The following ADIPOR2 variants were observed in gnomAD, a reference collection of about 807,000 sequenced individuals.
ADIPOR2 encodes the protein adiponectin receptor 2, also known as adiponectin receptor protein 2.
ADIPOR2 carries 18 observed loss-of-function variants against 40.9 expected under a neutral mutation model. That is an observed-to-expected ratio of 0.44 (90% CI 0.30 to 0.65). ADIPOR2 has a LOEUF of 0.65. Among genes scored for constraint, ADIPOR2 ranks in the 30% least tolerant of loss-of-function variants. The pLI, the probability that ADIPOR2 is intolerant of heterozygous loss-of-function variation, is 0.09. For missense variants in ADIPOR2, 283 were observed against 479.2 expected, an observed-to-expected ratio of 0.59 and a Z score of 3.82; for synonymous variants, 165 against 166.4, an observed-to-expected ratio of 0.99 and a Z score of 0.06.
At chr12:1,719,802 G>C (rs2094694358) in intron 1 of ADIPOR2, among the ~76,000 whole-genome samples, 1 of 152,070 alleles carries the variant, frequency 6.6e-6, no homozygotes, top group Admixed American at 6.5e-5. Context: ...AGCCTGTGGA[G>C]TAGCTGGGAT....
rs542095709 is a variant in ADIPOR2, at chr12:1,711,160, G to A, written c.-87+19969G>A. ...GCAGTGAGGAAGTCTAGGCCTTGGC[G>A]GTTTTGGAGAGTCACTGCTGCCAAA... On this transcript the variant is annotated intron_variant, in intron 1 of 7. Transcript: ENST00000357103. Among the ~76,000 whole-genome samples the A allele has an allele frequency of 2.6e-4, 39 of 152,260 alleles. No homozygotes were observed. In the South Asian group the frequency reaches 2.7e-3, roughly 11 times the overall value.
chr12:1,693,795 A>C (rs994759298), intron 1 of ADIPOR2, among the ~76,000 whole-genome samples: 2 of 152,002 alleles, frequency 1.3e-5, no homozygotes, highest in African/African-American at 4.8e-5. Context: ...CACCCCTCAA[A>C]GTGCTGGGAT....
intron 1 of ADIPOR2, 80 bp downstream of exon 1, chr12:1,691,271 C>CGGGGGGAGGTGAGAGCTGAG (rs2094626223): frequency 6.6e-6 from 1 of 152,616 alleles, no homozygotes; most frequent in Non-Finnish European, 1.5e-5. Context: ...AGCTTGGGGT[C>CGGGGGGAGGTGAGAGCTGAG]GGGGGGAGGT....
chr12:1,697,186 T>A (rs1474657788), intron 1 of ADIPOR2: 2 of 152,208 alleles, frequency 1.3e-5, no homozygotes, highest in Non-Finnish European at 2.9e-5. Context: ...TCAGGAGTGT[T>A]TTGGTAAAAC....
chr12:1,712,937 T>G (rs1055224477), intron 1 of ADIPOR2, among the ~76,000 whole-genome samples: 1 of 152,110 alleles, frequency 6.6e-6, no homozygotes, highest in African/African-American at 2.4e-5. Flanking sequence ...TACCCTTGAT[T>G]AGCTAGAAAG....
intron 7 of ADIPOR2, 103 bp downstream of exon 7, chr12:1,784,176 A>T: frequency 7.7e-7 from 1 of 1,294,494 alleles, no homozygotes; most frequent in South Asian, 1.7e-5. Context: ...AAGTCAGGAG[A>T]GTTGTATCCT....
At chr12:1,744,123 T>C (rs921125387) in intron 1 of ADIPOR2, among the ~76,000 whole-genome samples, 6 of 152,140 alleles carry the variant, frequency 3.9e-5, no homozygotes, top group African/African-American at 1.4e-4. Context: ...ATTTTTTTTT[T>C]TGAGACGGAG....
chr12:1,769,920 AT>A (rs113858183), intron 2 of ADIPOR2, among the ~76,000 whole-genome samples: 10,043 of 140,098 alleles, frequency 0.072, 819 homozygotes, highest in African/African-American at 0.2. Flanking sequence ...TACTAAAGTA[AT>A]TTTTTTTTTT....
At chr12:1,723,659 A>T (rs2094702267) in intron 1 of ADIPOR2, among the ~76,000 whole-genome samples, 1 of 151,808 alleles carries the variant, frequency 6.6e-6, no homozygotes, top group African/African-American at 2.4e-5. Flanking sequence ...ACAAAACAAA[A>T]CAAAACAACA....
chr12:1,751,370 T>A (rs950975236), intron 1 of ADIPOR2, among the ~76,000 whole-genome samples: 1 of 152,324 alleles, frequency 6.6e-6, no homozygotes, highest in South Asian at 2.1e-4. Flanking sequence ...TCTCAGGACT[T>A]TACTGGAGAG....
chr12:1,721,285 G>A (rs1052219350), intron 1 of ADIPOR2, among the ~76,000 whole-genome samples: 2 of 127,174 alleles, frequency 1.6e-5, no homozygotes, highest in Admixed American at 2.1e-4. Flanking sequence ...GCACGATCTC[G>A]GCTCACTGCA....
At chr12:1,716,138 A>G (rs1048086095) in intron 1 of ADIPOR2, among the ~76,000 whole-genome samples, 19 of 152,222 alleles carry the variant, frequency 1.2e-4, no homozygotes, top group African/African-American at 4.1e-4. Context: ...GGAAGGAACC[A>G]ACTCCGCACA....
At position 1,788,269 on chromosome 12, in the gene ADIPOR2, T is replaced by C. The variant is rs143312255; in HGVS notation, c.*2197T>C. On this transcript the variant is annotated 3_prime_UTR_variant, in exon 8 of 8. Transcript: ENST00000357103. ...AAAATCTCCCTTTTTCGGGTGTGTATGTGGGCATGTGCCCATTTCTATGTG... is the reference window on the plus strand; with the variant it reads ...AAAATCTCCCTTTTTCGGGTGTGTACGTGGGCATGTGCCCATTTCTATGTG... 1.8e-3 allele frequency: 282 copies of C among 152,806 alleles called. 2 individuals carry two copies. The highest frequency in any genetic ancestry group is 2.2e-3 in the Admixed American group (34 of 15,302). 9.5% of individuals were successfully genotyped at this position (152,806 alleles called of 1,614,324 possible). A position where few individuals can be genotyped will look rare whatever the true frequency, so the allele number is the denominator to read the frequency against.
intron 1 of ADIPOR2, among the ~76,000 whole-genome samples, chr12:1,721,870 A>T (rs2094698539): frequency 6.6e-6 from 1 of 152,200 alleles, no homozygotes; most frequent in African/African-American, 2.4e-5. Flanking sequence ...TTTAAGGAGC[A>T]GACAGGTCAG....
chr12:1,762,441 G>T (rs1193783157), intron 2 of ADIPOR2, among the ~76,000 whole-genome samples: 1 of 151,972 alleles, frequency 6.6e-6, no homozygotes, highest in Non-Finnish European at 1.5e-5. Flanking sequence ...AGTCTAACCT[G>T]GTCTTTGAGT....
intron 2 of ADIPOR2, chr12:1,758,020 T>C: frequency 3.7e-6 from 3 of 800,502 alleles, no homozygotes; most frequent in Non-Finnish European, 6.6e-6. Context: ...ATGGCTGCGT[T>C]AGGCAGGGAA....
In ADIPOR2 at chr12:1,691,121, CCCTCCCTCCTCCGTTCCCCCCT is replaced by C. The variant is rs2094625837; in HGVS notation, c.-150_-129del. 1 of 159,922 alleles carries C rather than the reference CCCTCCCTCCTCCGTTCCCCCCT, an allele frequency of 6.3e-6. No individual in the cohort carries two copies. Among genetic ancestry groups the C allele is most frequent in the Non-Finnish European group, 1.4e-5 (1 of 72,944 alleles). The allele number at this position is 159,922 out of a possible 1,614,324, so 9.9% of individuals were successfully genotyped here. On this transcript the variant is annotated 5_prime_UTR_variant, in exon 1 of 8. Coordinates refer to ENST00000357103, the MANE Select transcript of ADIPOR2 (RefSeq NM_024551.3). ...GGCGGCGGCTACACCGGGCTTGGCCCCCTCCCTCCTCCGTTCCCCCCTCCTCCCCCCTCCCCTCAGCGGTGGC... is the reference window on the plus strand; with the variant it reads ...GGCGGCGGCTACACCGGGCTTGGCCCCCTCCCCCCTCCCCTCAGCGGTGGC...
intron 1 of ADIPOR2, among the ~76,000 whole-genome samples, chr12:1,748,107 C>CT (rs2094759834): frequency 6.6e-6 from 1 of 151,874 alleles, no homozygotes; most frequent in Non-Finnish European, 1.5e-5. Context: ...CTGTTGAGCC[C>CT]CCCCACCCTT....
At chr12:1,765,067 T>C (rs1287819799) in intron 2 of ADIPOR2, among the ~76,000 whole-genome samples, 1 of 152,168 alleles carries the variant, frequency 6.6e-6, no homozygotes, top group Non-Finnish European at 1.5e-5. Flanking sequence ...GTGGAATTAC[T>C]GCGTTAGGAA....
Sources: gnomAD v4.1 joint callset for allele counts (sites outside exome capture counted in the v4.1 genomes callset) on GRCh38, gnomAD v4.1.1 for gene constraint, MANE v1.5 for transcripts, NCBI Gene and HGNC (gene_info 2026-07-23, HGNC 2026-07-21) for gene names.